RGS7: variants seen among roughly 807,000 people sequenced by gnomAD.
RGS7 encodes regulator of G-protein signaling 7.
Under a neutral mutation model 81.1 loss-of-function variants are expected in RGS7, and 27 were observed. The observed-to-expected ratio is 0.33, with a 90% confidence interval of 0.25 to 0.46. The LOEUF (loss-of-function observed/expected upper bound fraction) is 0.46, where lower values mean the gene tolerates loss of function less well. Ranked by LOEUF, RGS7 falls within the 20% of genes least tolerant of loss-of-function variation. The probability of loss-of-function intolerance (pLI) is 1.00; values close to 1 mark genes in which losing one functional copy is unlikely to be tolerated. For synonymous variants in RGS7, 208 were observed against 207.7 expected (o/e 1.00, Z -0.01); for missense variants, 396 against 607.4 (o/e 0.65, Z 3.66).
At chr1:241,327,032 A>AGGGAGGGAGTGAGGG (rs1558320484) in intron 2 of RGS7, among the ~76,000 whole-genome samples, 1 of 2,658 alleles carries the variant, frequency 3.8e-4, no homozygotes, top group Admixed American at 2.9e-3. Flanking sequence ...GGAAGGAAGG[A>AGGGAGGGAGTGAGGG]AGGAAGGGAG....
At chr1:241,211,500 C>T (rs2074241679) in intron 2 of RGS7, among the ~76,000 whole-genome samples, 1 of 152,246 alleles carries the variant, frequency 6.6e-6, no homozygotes, top group Non-Finnish European at 1.5e-5. Context: ...GGGACAAAAG[C>T]CATTCCTTTA....
At chr1:240,852,549 A>AG (rs1346236157) in intron 9 of RGS7, among the ~76,000 whole-genome samples, 3 of 152,154 alleles carry the variant, frequency 2.0e-5, no homozygotes, top group Non-Finnish European at 4.4e-5. Context: ...ATTTATATAA[A>AG]GTACCAGGAA....
chr1:240,808,698 A>G (rs1255514606), intron 14 of RGS7, among the ~76,000 whole-genome samples: 1 of 152,082 alleles, frequency 6.6e-6, no homozygotes, highest in East Asian at 1.9e-4. Flanking sequence ...CCATTACTGT[A>G]ATTATTGTAA....
intron 3 of RGS7, among the ~76,000 whole-genome samples, chr1:241,040,185 G>A (rs781476018): frequency 7.9e-5 from 12 of 152,226 alleles, no homozygotes; most frequent in African/African-American, 1.7e-4. Context: ...GCCTTTCAGC[G>A]TTTTCTGTAA....
intron 4 of RGS7, among the ~76,000 whole-genome samples, chr1:240,938,249 A>G (rs534940368): frequency 6.6e-6 from 1 of 152,330 alleles, no homozygotes; most frequent in Admixed American, 6.5e-5. Context: ...GAAGTCATAA[A>G]TAGAGAGGGC....
At chr1:241,228,483 C>G (rs1398876779) in intron 2 of RGS7, among the ~76,000 whole-genome samples, 1 of 152,116 alleles carries the variant, frequency 6.6e-6, no homozygotes, top group African/African-American at 2.4e-5. Context: ...CTACTATGGG[C>G]ATTGAGCCCG....
chr1:241,251,045 C>T (rs1195999069), intron 2 of RGS7, among the ~76,000 whole-genome samples: 1 of 152,178 alleles, frequency 6.6e-6, no homozygotes, highest in African/African-American at 2.4e-5. Context: ...CAGGTCAAAG[C>T]CATCTTTCAC....
rs1336258325 is a variant in RGS7 at position 241,271,755 on chromosome 1, C to A, written c.78+83944G>T. Among the ~76,000 whole-genome samples, 1 of 152,076 alleles carries A rather than the reference C, an allele frequency of 6.6e-6. No individual in the cohort carries two copies. The highest frequency in any genetic ancestry group is 1.5e-5 in the Non-Finnish European group (1 of 68,026). ...ATTGGCCTTGGAGTGGGATTTACAC[C>A]AGCATCATTTCTGGTTCTCAGGACT... On this transcript the variant is annotated intron_variant, in intron 2 of 18. Coordinates refer to ENST00000440928, the MANE Select transcript of RGS7 (RefSeq NM_001364886.1). This position sits in a 1 kb window ranked among gnomAD's most constrained non-coding sequence, Gnocchi z 4.6.
intron 9 of RGS7, among the ~76,000 whole-genome samples, chr1:240,852,019 C>T (rs1660202614): frequency 6.6e-6 from 1 of 152,112 alleles, no homozygotes; most frequent in African/African-American, 2.4e-5. Context: ...AAAACGAGGA[C>T]AGGGTTTGAA....
intron 6 of RGS7, among the ~76,000 whole-genome samples, chr1:240,887,315 G>A (rs2148124287): frequency 7.0e-6 from 1 of 143,692 alleles, no homozygotes; most frequent in South Asian, 2.1e-4. Flanking sequence ...TGCAAGCTCT[G>A]CCTCCTGGGT....
chr1:240,964,955 T>A (rs1009900936), intron 4 of RGS7, among the ~76,000 whole-genome samples: 1 of 152,200 alleles, frequency 6.6e-6, no homozygotes, highest in East Asian at 1.9e-4. Flanking sequence ...AAGTGTCATG[T>A]GTGGTTTAAA....
At chr1:240,908,410 A>C (rs1205556740) in intron 6 of RGS7, among the ~76,000 whole-genome samples, 1 of 152,222 alleles carries the variant, frequency 6.6e-6, no homozygotes, top group Non-Finnish European at 1.5e-5. Context: ...TCCTGAAGTT[A>C]CTAAGCCTAC....
chr1:240,953,564 T>C (rs191850124), intron 4 of RGS7, among the ~76,000 whole-genome samples: 11 of 152,072 alleles, frequency 7.2e-5, no homozygotes, highest in Admixed American at 3.3e-4. Flanking sequence ...ATGCAGTTGA[T>C]CAAAACAGGT....
intron 2 of RGS7, among the ~76,000 whole-genome samples, chr1:241,248,373 T>TATATGTATATATACATACATAC (rs1402806312): frequency 6.8e-6 from 1 of 148,134 alleles, no homozygotes; most frequent in Non-Finnish European, 1.5e-5. Flanking sequence ...TATACGTATA[T>TATATGTATATATACATACATAC]ATATGTATAT....
chr1:240,982,872 T>C (rs1181759402), intron 4 of RGS7, among the ~76,000 whole-genome samples: 1 of 152,200 alleles, frequency 6.6e-6, no homozygotes, highest in African/African-American at 2.4e-5. Flanking sequence ...GAATTAAGGA[T>C]GTGAAAAATT....
At chr1:240,967,578 G>GA (rs142474133) in intron 4 of RGS7, among the ~76,000 whole-genome samples, 44,438 of 147,474 alleles carry the variant, frequency 0.3, 7,515 homozygotes, top group Middle Eastern at 0.39. Context: ...TGGGGGGGGG[G>GA]GGGAAAAGGC....
At chr1:241,349,668 T>G (rs2148733162) in intron 2 of RGS7, among the ~76,000 whole-genome samples, 1 of 152,328 alleles carries the variant, frequency 6.6e-6, no homozygotes, top group Non-Finnish European at 1.5e-5. Context: ...CACTCTATCA[T>G]CTACAATTAT....
At chr1:241,200,017 T>A (rs1309957918) in intron 2 of RGS7, among the ~76,000 whole-genome samples, 1 of 152,210 alleles carries the variant, frequency 6.6e-6, no homozygotes, top group Non-Finnish European at 1.5e-5. Flanking sequence ...TTATACAATG[T>A]AATAACCCTA....
intron 2 of RGS7, among the ~76,000 whole-genome samples, chr1:241,317,883 T>C (rs2080979023): frequency 6.6e-6 from 1 of 152,148 alleles, no homozygotes; most frequent in South Asian, 2.1e-4. Flanking sequence ...GAAGATAACA[T>C]TTGGCAGTAA....
Sources: gnomAD v4.1 joint callset for allele counts (sites outside exome capture counted in the v4.1 genomes callset) on GRCh38, gnomAD v4.1.1 for gene constraint, Gnocchi (gnomAD v3.1) non-coding constraint, MANE v1.5 for transcripts, NCBI Gene and HGNC (gene_info 2026-07-23, HGNC 2026-07-21) for gene names.